Variants in MLLT6 observed in about 807,000 individuals in gnomAD.
The protein encoded by MLLT6 is MLLT6, PHD finger containing, also known as protein AF-17.
A neutral mutation model predicts 103.0 loss-of-function variants in MLLT6; 22 were observed. The observed-to-expected ratio is 0.21, with a 90% CI of 0.15 to 0.31. The LOEUF (loss-of-function observed/expected upper bound fraction) is 0.31, where lower values mean the gene tolerates loss of function less well. MLLT6 is among the 10% of genes least tolerant of loss of function. MLLT6 has a pLI of 1.00. For synonymous variants in MLLT6, 606 were observed against 623.5 expected (o/e 0.97, Z 0.42); for missense variants, 1,199 against 1,441.7 (o/e 0.83, Z 2.73).
In MLLT6 at chr17:38,716,208, G is replaced by T; in HGVS notation, c.1037-159G>T. On this transcript the variant is annotated intron_variant, in intron 9 of 19. Transcript: ENST00000621332. The surrounding 1 kb of genome is among the most constrained non-coding windows in gnomAD (Gnocchi z 5.6). Reference sequence around the variant, plus strand: ...TACAGGTGGGAAAGCTGGAGGGGTCGGGGGTACTCATCCCAGGACACAGAC... The same window carrying T: ...TACAGGTGGGAAAGCTGGAGGGGTCTGGGGTACTCATCCCAGGACACAGAC... 2.7e-6 allele frequency: 2 copies of T among 728,502 alleles called. No individual in the cohort carries two copies. Among genetic ancestry groups the T allele is most frequent in the African/African-American group, 1.8e-5 (1 of 56,182 alleles). The allele number at this position is 728,502 out of a possible 1,614,324, so 45.1% of individuals were successfully genotyped here. A position where few individuals can be genotyped will look rare whatever the true frequency, so the allele number is the denominator to read the frequency against.
At chr17:38,719,464 CCT>C in intron 12 of MLLT6, 51 bp from the exon 13 acceptor site, 1 of 1,494,738 alleles carries the variant, frequency 6.7e-7, no homozygotes, top group Non-Finnish European at 9.2e-7. Context: ...GGGCGGGGAC[CCT>C]GAGGCAGCTA....
At chr17:38,706,708 T>C in intron 1 of MLLT6, 1 of 389,358 alleles carries the variant, frequency 2.6e-6, no homozygotes. Flanking sequence ...GAGGATCTTC[T>C]AGAAGTTTAA....
intron 16 of MLLT6, 117 bp from the exon 17 acceptor site, chr17:38,721,761 G>A (rs1044358225): frequency 6.4e-6 from 4 of 629,272 alleles, no homozygotes; most frequent in African/African-American, 5.9e-5. Context: ...TTCTTCCAGG[G>A]TGCCTGGGGG....
In MLLT6 at chr17:38,728,306, C is replaced by G. The variant is rs1002492220; in HGVS notation, c.*2708C>G. On this transcript the variant is annotated 3_prime_UTR_variant, in exon 20 of 20. Coordinates refer to ENST00000621332, the MANE Select transcript of MLLT6 (RefSeq NM_005937.4). ...AGGGGGATGGCTGTAACGATCTCAC[C>G]GTCTCCTAACCTCAGTCCCTTTTTT... The G allele has an allele frequency of 4.3e-6, 1 of 233,224 alleles. No homozygotes were observed. The highest frequency in any genetic ancestry group is 2.2e-5 in the African/African-American group (1 of 45,344). The allele number at this position is 233,224 out of a possible 1,614,324, so 14.4% of individuals were successfully genotyped here. A position where few individuals can be genotyped will look rare whatever the true frequency, so the allele number is the denominator to read the frequency against.
intron 6 of MLLT6, 151 bp from the exon 7 acceptor site, chr17:38,711,696 G>A (rs755291196): frequency 2.3e-5 from 22 of 974,388 alleles, no homozygotes; most frequent in Non-Finnish European, 3.1e-5. Flanking sequence ...CCCTTCTGCT[G>A]AGCAGAGCAT....
At position 38,720,676 on chromosome 17, in the gene MLLT6, T is replaced by C. The variant is rs1905675221; in HGVS notation, c.2371T>C (p.Leu791=). 6.2e-7 allele frequency: 1 copy of C among 1,613,840 alleles called. No homozygotes were observed. Among genetic ancestry groups the C allele is most frequent in the Non-Finnish European group, 8.5e-7 (1 of 1,180,020 alleles). Residue 791 remains leucine, a synonymous_variant, in exon 16 of 20, where the codon TTG becomes CTG. Transcript: ENST00000621332. ...TCCCACAGCCGGCAGCAGCGACTCCTTGAGCACCAGCAAGAGCCCTCCGGG... is the reference window on the plus strand; with the variant it reads ...TCCCACAGCCGGCAGCAGCGACTCCCTGAGCACCAGCAAGAGCCCTCCGGG... ...LPPQAGSSDS[L]STSKSPPGKS... is the part of the protein sequence containing the mutation.
At position 38,724,603 on chromosome 17, in the gene MLLT6, G is replaced by C; in HGVS notation, c.2884-17G>C. 1 of 1,562,700 alleles carries C rather than the reference G, an allele frequency of 6.4e-7. No homozygotes were observed. The highest frequency in any genetic ancestry group is 1.4e-5 in the African/African-American group (1 of 73,960). ...CCCCGGGACTGTTGGCCAACAAGCG[G>C]TCTGGCCCCCTTGCAGGAACACCAG... On this transcript the variant is annotated splice_polypyrimidine_tract_variant and intron_variant, in intron 18 of 19. Transcript: ENST00000621332. This position sits in a 1 kb window ranked among gnomAD's most constrained non-coding sequence, Gnocchi z 5.4.
Position 38,715,609 on chromosome 17 carries a change from C to T in MLLT6, c.820-3C>T. On this transcript the variant is annotated splice_region_variant and splice_polypyrimidine_tract_variant and intron_variant, in intron 8 of 19. Transcript: ENST00000621332. ...TTGAACCTTCCTCTCTCCTCTCCTT[C>T]AGGTCTCCTCCTCGGCTTCCTCTTC... is the stretch of plus-strand genomic sequence containing the variant. 1.9e-6 allele frequency: 3 copies of T among 1,609,700 alleles called. No individual in the cohort carries two copies. The highest frequency in any genetic ancestry group is 2.2e-5 in the East Asian group (1 of 44,874).
chr17:38,723,326 T>C (rs1905859562), intron 18 of MLLT6, among the ~76,000 whole-genome samples: 1 of 152,096 alleles, frequency 6.6e-6, no homozygotes, highest in South Asian at 2.1e-4. Context: ...TTGGTGAAAC[T>C]GAGTCTCTAC....
In MLLT6 at chr17:38,719,643, G is replaced by C. The variant is rs574130924; in HGVS notation, c.2009+60G>C. On this transcript the variant is annotated intron_variant, in intron 13 of 19. Coordinates refer to ENST00000621332, the MANE Select transcript of MLLT6 (RefSeq NM_005937.4). ...GGCAGGAGGGACACCCGAGGGAGGA[G>C]GGACGGAGAGACCGGCGTGGGCTGG... 19 of 1,569,624 alleles carry C rather than the reference G, an allele frequency of 1.2e-5. No homozygotes were observed. The Admixed American group carries it at 2.3e-4, about 19-fold the overall frequency.
Position 38,716,207 on chromosome 17 carries a change from C to T in MLLT6, c.1037-160C>T, listed in dbSNP as rs1483841280. The T allele has an allele frequency of 3.0e-5, 22 of 724,344 alleles. No individual in the cohort carries two copies. The highest frequency in any genetic ancestry group is 4.7e-5 in the Non-Finnish European group (21 of 449,952). 44.9% of individuals were successfully genotyped at this position (724,344 alleles called of 1,614,324 possible). A position where few individuals can be genotyped will look rare whatever the true frequency, so the allele number is the denominator to read the frequency against. On this transcript the variant is annotated intron_variant, in intron 9 of 19. Transcript: ENST00000621332. The surrounding 1 kb of genome is among the most constrained non-coding windows in gnomAD (Gnocchi z 5.6). ...TTACAGGTGGGAAAGCTGGAGGGGT[C>T]GGGGGTACTCATCCCAGGACACAGA...
chr17:38,706,433 G>T (rs945293540), intron 1 of MLLT6, among the ~76,000 whole-genome samples: 1 of 152,028 alleles, frequency 6.6e-6, no homozygotes, highest in Non-Finnish European at 1.5e-5. Context: ...TTCCCGCCAC[G>T]CTCCTCTCGG....
chr17:38,726,906 A>G lies in MLLT6; in HGVS notation c.*1308A>G, dbSNP rs1213245595. On this transcript the variant is annotated 3_prime_UTR_variant, in exon 20 of 20. Transcript: ENST00000621332. The stretch of plus-strand genomic sequence containing the variant: ...CTATTTCCCCAGGGTAGAGTGGGCA[A>G]TTCTCACCTTCAAAGAGTCCCCGCC... 4.3e-6 allele frequency: 1 copy of G among 233,688 alleles called. No homozygotes were observed. The highest frequency in any genetic ancestry group is 5.6e-5 in the Admixed American group (1 of 17,782). The allele number at this position is 233,688 out of a possible 1,614,324, so 14.5% of individuals were successfully genotyped here.
rs1905416196 is a variant in MLLT6 at position 38,717,559 on chromosome 17, C to T, written c.1779C>T (p.Arg593=). ...PGTSALPRLS[R]SPFTSTLPSS... ...CCTCGGCCCTGCCCCGCCTCAGCCG[C>T]TCCCCGTTCACCAGCACCCTCCCCT... is the stretch of plus-strand genomic sequence containing the variant. Residue 593 remains arginine, a synonymous_variant, in exon 11 of 20, where the codon CGC becomes CGT. Coordinates refer to ENST00000621332, the MANE Select transcript of MLLT6 (RefSeq NM_005937.4). 2 of 1,613,872 alleles carry T rather than the reference C, an allele frequency of 1.2e-6. No individual in the cohort carries two copies. Among genetic ancestry groups the T allele is most frequent in the Non-Finnish European group, 1.7e-6 (2 of 1,179,970 alleles).
In MLLT6 at chr17:38,717,349, G is replaced by C. The variant is rs902215318; in HGVS notation, c.1652-83G>C. The stretch of plus-strand genomic sequence containing the variant: ...CAGATCCCGGGGAGCACTCGAGCTG[G>C]GGAGGGGCTGTCAGCCACCTGGCTG... On this transcript the variant is annotated intron_variant, in intron 10 of 19. Coordinates refer to ENST00000621332, the MANE Select transcript of MLLT6 (RefSeq NM_005937.4). The C allele has an allele frequency of 7.1e-6, 8 of 1,132,330 alleles. No homozygotes were observed. The African/African-American group carries it at 1.1e-4, about 16-fold the overall frequency. 70.1% of individuals were successfully genotyped at this position (1,132,330 alleles called of 1,614,324 possible).
At chr17:38,706,261 G>A (rs1227397406) in intron 1 of MLLT6, 1 of 152,380 alleles carries the variant, frequency 6.6e-6, no homozygotes, top group East Asian at 1.9e-4. Context: ...GGCCGGAATC[G>A]AGAAGAGGGA....
intron 8 of MLLT6, chr17:38,713,158 CAGG>C (rs1567925274): frequency 1.6e-6 from 1 of 644,106 alleles, no homozygotes; most frequent in East Asian, 2.6e-5. Context: ...TACGCCCCAT[CAGG>C]AGGACACCCA....
At position 38,719,602 on chromosome 17, in the gene MLLT6, T is replaced by C; in HGVS notation, c.2009+19T>C. On this transcript the variant is annotated intron_variant, in intron 13 of 19. Transcript: ENST00000621332. ...CTTCCATGTGAGGGAAGGGGCAGCC[T>C]GGAGGAGGGGCTGGGGGCAGGAGGG... 6.3e-7 allele frequency: 1 copy of C among 1,594,252 alleles called. No homozygotes were observed. Among genetic ancestry groups the C allele is most frequent in the Non-Finnish European group, 8.6e-7 (1 of 1,169,162 alleles).
At chr17:38,723,236 C>T (rs1905855546) in intron 18 of MLLT6, among the ~76,000 whole-genome samples, 1 of 152,168 alleles carries the variant, frequency 6.6e-6, no homozygotes. Flanking sequence ...GGTGTGGTGG[C>T]TCATGTCTGT....
Sources: gnomAD v4.1 joint callset for allele counts (sites outside exome capture counted in the v4.1 genomes callset) on GRCh38, gnomAD v4.1.1 for gene constraint, Gnocchi (gnomAD v3.1) non-coding constraint, MANE v1.5 for transcripts, NCBI Gene and HGNC (gene_info 2026-07-23, HGNC 2026-07-21) for gene names.